The following WWOX variants were observed in gnomAD, a reference collection of about 807,000 sequenced individuals.
The protein encoded by WWOX is WW domain containing oxidoreductase.
WWOX carries 69 observed loss-of-function variants against 46.2 expected under a neutral mutation model. The ratio of observed to expected loss-of-function variants is 1.49; its 90% CI spans 1.23 to 1.82. WWOX has a LOEUF of 1.82. WWOX is among the 40% of genes most tolerant of loss of function. The pLI is 0.00. For missense variants in WWOX, 919 were observed against 542.6 expected (o/e 1.69, Z -6.89); for synonymous variants, 359 against 202.6 (o/e 1.77, Z -6.56).
intron 8 of WWOX, among the ~76,000 whole-genome samples, chr16:78,537,385 C>T (rs1190727806): frequency 6.6e-6 from 1 of 152,170 alleles, no homozygotes; most frequent in Non-Finnish European, 1.5e-5. Flanking sequence ...TGTCCTAAAT[C>T]ACGTGTCTTC....
At chr16:78,137,685 G>C (rs138076726) in intron 4 of WWOX, among the ~76,000 whole-genome samples, 278 of 152,282 alleles carry the variant, frequency 1.8e-3, no homozygotes, top group Admixed American at 3.5e-3. Context: ...GAAACAGTCT[G>C]CTGAGGGATT....
At chr16:78,573,582 G>A (rs904540529) in intron 8 of WWOX, among the ~76,000 whole-genome samples, 3 of 152,118 alleles carry the variant, frequency 2.0e-5, no homozygotes, top group Non-Finnish European at 4.4e-5. Context: ...AGTTTATAAT[G>A]CTCAGCTTGT....
intron 8 of WWOX, chr16:78,496,329 C>G (rs1326949223): frequency 6.6e-6 from 1 of 152,236 alleles, no homozygotes; most frequent in Non-Finnish European, 1.5e-5. Flanking sequence ...GCCTCCTCTT[C>G]TAAAGTTATA....
chr16:78,475,664 C>T (rs888371188), intron 8 of WWOX, among the ~76,000 whole-genome samples: 5 of 152,028 alleles, frequency 3.3e-5, no homozygotes, highest in South Asian at 2.1e-4. Context: ...GACATGATCT[C>T]GGCTCACTGC....
intron 5 of WWOX, among the ~76,000 whole-genome samples, chr16:78,334,239 A>G (rs2080826407): frequency 6.6e-6 from 1 of 152,214 alleles, no homozygotes; most frequent in Admixed American, 6.5e-5. Flanking sequence ...CGGCTCGTAC[A>G]AAATTCACTT....
At chr16:78,948,534 G>C (rs1195154777) in intron 8 of WWOX, among the ~76,000 whole-genome samples, 1 of 152,122 alleles carries the variant, frequency 6.6e-6, no homozygotes, top group Non-Finnish European at 1.5e-5. Context: ...TCTGCTGCCT[G>C]ATTGGTAGGT....
intron 8 of WWOX, among the ~76,000 whole-genome samples, chr16:78,521,994 C>T (rs570612652): frequency 6.6e-6 from 1 of 152,132 alleles, no homozygotes; most frequent in South Asian, 2.1e-4. Flanking sequence ...TTTCAGGAAA[C>T]TGAAATTCAG....
intron 4 of WWOX, among the ~76,000 whole-genome samples, chr16:78,155,965 C>G (rs575993374): frequency 6.6e-6 from 1 of 152,316 alleles, no homozygotes; most frequent in South Asian, 2.1e-4. Flanking sequence ...TCCTGTTAAA[C>G]TATCATCTTT....
intron 8 of WWOX, among the ~76,000 whole-genome samples, chr16:78,558,926 T>C (rs2044368218): frequency 6.6e-6 from 1 of 152,178 alleles, no homozygotes; most frequent in Non-Finnish European, 1.5e-5. Flanking sequence ...CCTACAACCA[T>C]GGTCATTTTG....
At chr16:78,372,402 C>T (rs917150147) in intron 5 of WWOX, among the ~76,000 whole-genome samples, 5 of 152,128 alleles carry the variant, frequency 3.3e-5, no homozygotes, top group East Asian at 1.9e-4. Flanking sequence ...GGAGTAGAGA[C>T]AGAATATCAG....
chr16:79,017,427 C>G (rs1324536256), intron 8 of WWOX: 1 of 19,240 alleles, frequency 5.2e-5, no homozygotes, highest in Non-Finnish European at 8.9e-5. Context: ...GAGAATCCAT[C>G]TCAAAAAAAA....
At chr16:78,541,225 A>G (rs2043884640) in intron 8 of WWOX, among the ~76,000 whole-genome samples, 2 of 152,028 alleles carry the variant, frequency 1.3e-5, no homozygotes, top group African/African-American at 4.8e-5. Flanking sequence ...CTGTAATCCC[A>G]GCACTCTGGG....
At position 78,343,418 on chromosome 16, in the gene WWOX, C is replaced by T. The variant is rs2151901346; in HGVS notation, c.517-43442C>T. ...ATATTCTCAATCAATCACTGATGGCCAGCTGTCAACAGGCACCATTTTTGG... is the reference window on the plus strand; with the variant it reads ...ATATTCTCAATCAATCACTGATGGCTAGCTGTCAACAGGCACCATTTTTGG... On this transcript the variant is annotated intron_variant, in intron 5 of 8. Transcript: ENST00000566780. Among the ~76,000 whole-genome samples the T allele has an allele frequency of 1.7e-5, 2 of 121,008 alleles. 1 individual carries two copies. Among genetic ancestry groups the T allele is most frequent in the South Asian group, 5.0e-4 (2 of 4,018 alleles). The allele number at this position is 121,008 out of a possible 152,430, so 79.4% of individuals were successfully genotyped here.
At chr16:78,920,257 C>T (rs1188775027) in intron 8 of WWOX, among the ~76,000 whole-genome samples, 1 of 152,302 alleles carries the variant, frequency 6.6e-6, no homozygotes, top group African/African-American at 2.4e-5. Context: ...TGACACCTGA[C>T]ATTTCACTGG....
At chr16:78,548,715 G>C (rs934188967) in intron 8 of WWOX, among the ~76,000 whole-genome samples, 27 of 152,176 alleles carry the variant, frequency 1.8e-4, no homozygotes, top group African/African-American at 6.0e-4. Context: ...TTTTGGAGAT[G>C]AAATTATTTT....
chr16:78,300,995 CCCATCCAT>C (rs199726152), intron 5 of WWOX, among the ~76,000 whole-genome samples: 306 of 151,822 alleles, frequency 2.0e-3, no homozygotes, highest in Non-Finnish European at 3.4e-3. Context: ...CATCTACCCA[CCCATCCAT>C]CCATCCATCC....
intron 5 of WWOX, among the ~76,000 whole-genome samples, chr16:78,175,530 C>A (rs1009457148): frequency 6.6e-6 from 1 of 152,104 alleles, no homozygotes; most frequent in Non-Finnish European, 1.5e-5. Context: ...GGATCACTCA[C>A]CAGCCACCAT....
intron 8 of WWOX, among the ~76,000 whole-genome samples, chr16:79,087,463 A>G (rs1333958352): frequency 6.6e-6 from 1 of 152,200 alleles, no homozygotes; most frequent in Non-Finnish European, 1.5e-5. Flanking sequence ...ACAGCCAGTC[A>G]GGCAAGGCTT....
intron 4 of WWOX, among the ~76,000 whole-genome samples, chr16:78,154,020 C>T (rs1038687023): frequency 6.6e-6 from 1 of 152,116 alleles, no homozygotes; most frequent in Non-Finnish European, 1.5e-5. Flanking sequence ...ACCAGTGAGT[C>T]TCATGGTGTG....
Sources: gnomAD v4.1 joint callset for allele counts (sites outside exome capture counted in the v4.1 genomes callset) on GRCh38, gnomAD v4.1.1 for gene constraint, MANE v1.5 for transcripts, NCBI Gene and HGNC (gene_info 2026-07-23, HGNC 2026-07-21) for gene names.